Variants in C3orf52 observed in about 807,000 individuals in gnomAD.
C3orf52 encodes TPA-induced transmembrane protein.
Under a neutral mutation model 24.8 loss-of-function variants are expected in C3orf52, and 22 were observed. That is an observed-to-expected ratio of 0.89 (90% CI 0.63 to 1.27). The LOEUF (loss-of-function observed/expected upper bound fraction) is 1.27, where lower values mean the gene tolerates loss of function less well. Among genes scored for constraint, C3orf52 ranks in the 50% most tolerant of loss-of-function variants. C3orf52 has a pLI of 0.00. For synonymous variants in C3orf52, 93 were observed against 100.2 expected (o/e 0.93, Z 0.43); for missense variants, 265 against 260.7 (o/e 1.02, Z -0.11).
At chr3:112,133,216 G>T (rs1448914572), downstream of C3orf52, 1 of 1,364,060 alleles carries the variant, frequency 7.3e-7, no homozygotes, top group Non-Finnish European at 1.0e-6. Context: ...AGAAAGGGCT[G>T]TGTGGCTCTG....
At chr3:112,104,681 AT>A (rs904718702) in intron 3 of C3orf52, among the ~76,000 whole-genome samples, 1 of 151,616 alleles carries the variant, frequency 6.6e-6, no homozygotes, top group African/African-American at 2.4e-5. Flanking sequence ...ACCAGGTGGT[AT>A]TTGGTTACAT....
At chr3:112,097,428 T>C (rs1233092407) in intron 2 of C3orf52, among the ~76,000 whole-genome samples, 1 of 152,184 alleles carries the variant, frequency 6.6e-6, no homozygotes, top group African/African-American at 2.4e-5. Flanking sequence ...CTGACCCTAA[T>C]CTCTTAATTT....
intron 5 of C3orf52, among the ~76,000 whole-genome samples, chr3:112,113,608 G>C (rs1363696722): frequency 6.6e-6 from 1 of 152,132 alleles, no homozygotes; most frequent in Non-Finnish European, 1.5e-5. Context: ...TCTGTTGAAG[G>C]CCACTGAGAC....
chr3:112,122,584 A>G (rs1341655622), downstream of C3orf52: 1 of 152,212 alleles, frequency 6.6e-6, no homozygotes, highest in East Asian at 1.9e-4. Flanking sequence ...ACATTATTAA[A>G]TATATACATT....
At chr3:112,116,426 G>T (rs551103300) in intron 5 of C3orf52, among the ~76,000 whole-genome samples, 3 of 152,226 alleles carry the variant, frequency 2.0e-5, no homozygotes, top group Middle Eastern at 3.4e-3. Flanking sequence ...AAACAAATAA[G>T]CAAGAAACAA....
chr3:112,124,941 G>A (rs191422580), intron 4 of C3orf52, among the ~76,000 whole-genome samples: 115 of 152,310 alleles, frequency 7.6e-4, no homozygotes, highest in African/African-American at 2.5e-3. Context: ...AAGGGTTGTC[G>A]TTTTAGCTAC....
chr3:112,113,553 TA>T (rs1324399498), intron 5 of C3orf52, among the ~76,000 whole-genome samples: 6 of 152,224 alleles, frequency 3.9e-5, no homozygotes, highest in Non-Finnish European at 8.8e-5. Context: ...ATGATACAGC[TA>T]AATTGCTGAA....
intron 3 of C3orf52, among the ~76,000 whole-genome samples, chr3:112,104,114 A>G (rs1315748536): frequency 5.9e-5 from 9 of 152,176 alleles, no homozygotes; most frequent in African/African-American, 2.2e-4. Flanking sequence ...TCACTCAATA[A>G]GAGTCCATGA....
At chr3:112,131,904 T>G (rs1202384879), downstream of C3orf52, among the ~76,000 whole-genome samples, 1 of 152,168 alleles carries the variant, frequency 6.6e-6, no homozygotes, top group Non-Finnish European at 1.5e-5. Flanking sequence ...TAGCATAAGA[T>G]GTGTGCACCT....
intron 2 of C3orf52, among the ~76,000 whole-genome samples, chr3:112,101,347 T>C (rs1218977497): frequency 1.3e-5 from 2 of 152,216 alleles, no homozygotes; most frequent in Admixed American, 6.5e-5. Context: ...CCTCCAGCGA[T>C]AGGCTGTGAC....
intron 3 of C3orf52, among the ~76,000 whole-genome samples, chr3:112,106,482 C>G (rs2074026858): frequency 6.6e-6 from 1 of 152,044 alleles, no homozygotes; most frequent in East Asian, 1.9e-4. Context: ...GTTGCCTCAT[C>G]AGAAATAAAG....
chr3:112,126,937 GA>G (rs1196855231), intron 4 of C3orf52: 8 of 1,221,140 alleles, frequency 6.6e-6, no homozygotes, highest in Non-Finnish European at 9.6e-6. Flanking sequence ...AAGTAGTTTG[GA>G]AATGTAAGTC....
downstream of C3orf52, chr3:112,133,259 G>C: frequency 1.2e-6 from 1 of 861,008 alleles, no homozygotes; most frequent in Non-Finnish European, 1.9e-6. Context: ...AAAGGAGAAG[G>C]GTGTCTCTGC....
At chr3:112,089,380 T>C (rs938986543) in intron 1 of C3orf52, among the ~76,000 whole-genome samples, 2 of 151,870 alleles carry the variant, frequency 1.3e-5, no homozygotes, top group Middle Eastern at 6.8e-3. Context: ...AATACAAAAT[T>C]AGCCGGGTGT....
At chr3:112,127,005 G>A in intron 4 of C3orf52, 1 of 1,589,822 alleles carries the variant, frequency 6.3e-7, no homozygotes, top group Non-Finnish European at 8.6e-7. Flanking sequence ...TGGGAATCTT[G>A]CCTCTTTTCA....
intron 5 of C3orf52, among the ~76,000 whole-genome samples, chr3:112,114,731 C>T (rs1477169394): frequency 2.0e-5 from 3 of 152,110 alleles, no homozygotes; most frequent in African/African-American, 7.2e-5. Context: ...CAGAAACCTT[C>T]AGCCTCCTCC....
chr3:112,105,950 T>C (rs1454365532), intron 3 of C3orf52, among the ~76,000 whole-genome samples: 1 of 152,078 alleles, frequency 6.6e-6, no homozygotes, highest in Non-Finnish European at 1.5e-5. Flanking sequence ...TTTGCTAGAA[T>C]GGCTCACAGA....
In C3orf52 at chr3:112,109,550, A is replaced by ATG; in HGVS notation, c.408_409dup (p.Tyr137CysfsTer17). 2 of 1,595,254 alleles carry ATG rather than the reference A, an allele frequency of 1.3e-6. No homozygotes were observed. Among genetic ancestry groups the ATG allele is most frequent in the Non-Finnish European group, 1.7e-6 (2 of 1,164,174 alleles). On this transcript the variant is annotated frameshift_variant, in exon 4 of 6. Coordinates refer to ENST00000264848, the MANE Select transcript of C3orf52 (RefSeq NM_024616.3). LOFTEE classifies it high-confidence loss of function. ...TTGCTTCTGTTTGTTTAGCTCACAG[A>ATG]TGTGTACAGTACATCGCCCTCTCTG... is the stretch of plus-strand genomic sequence containing the variant.
intron 1 of C3orf52, among the ~76,000 whole-genome samples, chr3:112,087,177 G>A (rs1157027916): frequency 6.6e-6 from 1 of 152,102 alleles, no homozygotes; most frequent in African/African-American, 2.4e-5. Flanking sequence ...GCGGGTTAGG[G>A]GGTCGGCGCG....
Sources: allele counts gnomAD v4.1 joint callset (sites outside exome capture counted in the v4.1 genomes callset), GRCh38; gene constraint gnomAD v4.1.1; transcripts MANE v1.5; gene names NCBI Gene and HGNC (gene_info 2026-07-23, HGNC 2026-07-21).